The following PARD3 variants were observed in gnomAD, a reference collection of about 807,000 sequenced individuals.
The protein encoded by PARD3 is par-3 family cell polarity regulator, also known as partitioning defective 3 homolog.
In PARD3, 75 loss-of-function variants were observed where a neutral mutation model predicts 155.4. The observed-to-expected ratio is 0.48, with a 90% CI of 0.40 to 0.58. The LOEUF is 0.58. Ranked by LOEUF, PARD3 falls within the 20% of genes least tolerant of loss-of-function variation. PARD3 has a pLI of 0.00. For missense variants in PARD3, 1,642 were observed against 1,721.7 expected (o/e 0.95, Z 0.82); for synonymous variants, 576 against 610.5 (o/e 0.94, Z 0.83).
At chr10:34,645,538 C>G (rs533622100) in intron 2 of PARD3, among the ~76,000 whole-genome samples, 29 of 152,262 alleles carry the variant, frequency 1.9e-4, no homozygotes, top group Admixed American at 1.8e-3. Context: ...CAAAATAAAG[C>G]CTCTACATTA....
chr10:34,802,408 GAAGAGA>G (rs1842905663), intron 1 of PARD3, among the ~76,000 whole-genome samples: 1 of 152,146 alleles, frequency 6.6e-6, no homozygotes, highest in South Asian at 2.1e-4. Context: ...TTTGAAACTT[GAAGAGA>G]AAGAAAAAGA....
At chr10:34,252,579 T>C (rs1405483959) in intron 22 of PARD3, among the ~76,000 whole-genome samples, 1 of 152,162 alleles carries the variant, frequency 6.6e-6, no homozygotes, top group Non-Finnish European at 1.5e-5. Context: ...GCAGCGGCCC[T>C]TGCTGATCTG....
intron 1 of PARD3, among the ~76,000 whole-genome samples, chr10:34,768,392 G>GGGACAACTCGAAGCAAAGGCC (rs1838398543): frequency 7.1e-6 from 1 of 140,840 alleles, no homozygotes; most frequent in Admixed American, 6.7e-5. Flanking sequence ...AAGCAAAGGC[G>GGGACAACTCGAAGCAAAGGCC]GGACAACTCG....
chr10:34,284,036 A>T, intron 21 of PARD3, 99 bp downstream of exon 21: 1 of 717,568 alleles, frequency 1.4e-6, no homozygotes, highest in Non-Finnish European at 2.4e-6. Flanking sequence ...TATGAAGAGT[A>T]ATTAAATGTA....
chr10:34,525,549 C>T (rs931218810), intron 2 of PARD3, among the ~76,000 whole-genome samples: 2 of 152,146 alleles, frequency 1.3e-5, no homozygotes, highest in Non-Finnish European at 1.5e-5. Flanking sequence ...GAGGGAGTAA[C>T]GTGGAAACAG....
intron 2 of PARD3, among the ~76,000 whole-genome samples, chr10:34,680,607 GA>G (rs1413286208): frequency 6.7e-6 from 1 of 148,922 alleles, no homozygotes; most frequent in East Asian, 2.0e-4. Context: ...GCGGGAGGGG[GA>G]AAGATAAAGA....
At chr10:34,525,581 A>T (rs897713702) in intron 2 of PARD3, among the ~76,000 whole-genome samples, 30 of 152,238 alleles carry the variant, frequency 2.0e-4, no homozygotes, top group Non-Finnish European at 7.3e-5. Flanking sequence ...ATAGTGTTCT[A>T]ATCTGTGAAC....
At chr10:34,397,574 G>C (rs1843457904) in intron 7 of PARD3, among the ~76,000 whole-genome samples, 1 of 152,140 alleles carries the variant, frequency 6.6e-6, no homozygotes, top group Non-Finnish European at 1.5e-5. Context: ...ATGGTAACCA[G>C]AAACTGTGGT....
intron 22 of PARD3, among the ~76,000 whole-genome samples, chr10:34,160,059 T>A (rs1001320265): frequency 3.9e-5 from 6 of 152,168 alleles, no homozygotes; most frequent in Non-Finnish European, 8.8e-5. Context: ...TAGAATATTA[T>A]CAAAAGAGAC....
intron 20 of PARD3, among the ~76,000 whole-genome samples, chr10:34,300,638 A>C (rs1341687994): frequency 1.3e-5 from 2 of 152,190 alleles, no homozygotes; most frequent in Admixed American, 6.5e-5. Context: ...GTTTAAAAAA[A>C]AAAAAAAATG....
At chr10:34,298,165 G>A (rs1181582244) in intron 20 of PARD3, among the ~76,000 whole-genome samples, 3 of 152,254 alleles carry the variant, frequency 2.0e-5, no homozygotes, top group Admixed American at 2.0e-4. Context: ...ATAAATATGA[G>A]CTATTTTATT....
intron 2 of PARD3, among the ~76,000 whole-genome samples, chr10:34,612,075 C>T (rs1334010650): frequency 2.6e-5 from 4 of 152,012 alleles, no homozygotes; most frequent in Non-Finnish European, 5.9e-5. Flanking sequence ...ATCCGCCCGC[C>T]TCGGCCTCCC....
chr10:34,725,483 A>G (rs188029402), intron 1 of PARD3, among the ~76,000 whole-genome samples: 231 of 152,204 alleles, frequency 1.5e-3, no homozygotes, highest in African/African-American at 4.7e-3. Context: ...CTCTCCGAAT[A>G]GCTCAAGGCA....
At chr10:34,704,079 C>T (rs1564527317) in intron 1 of PARD3, among the ~76,000 whole-genome samples, 1 of 152,258 alleles carries the variant, frequency 6.6e-6, no homozygotes, top group African/African-American at 2.4e-5. Context: ...ATCCCATATT[C>T]CAGGACGTCA....
intron 2 of PARD3, among the ~76,000 whole-genome samples, chr10:34,615,110 G>A (rs968148997): frequency 6.6e-5 from 10 of 152,194 alleles, no homozygotes; most frequent in African/African-American, 2.2e-4. Flanking sequence ...GAACCTGGGA[G>A]GCGGAAATTG....
intron 2 of PARD3, among the ~76,000 whole-genome samples, chr10:34,537,101 C>G (rs940359396): frequency 2.0e-5 from 3 of 152,212 alleles, no homozygotes; most frequent in Non-Finnish European, 4.4e-5. Flanking sequence ...CTCCTGGACT[C>G]AAACGATCCT....
At chr10:34,308,454 T>C in intron 20 of PARD3, among the ~76,000 whole-genome samples, 1 of 152,206 alleles carries the variant, frequency 6.6e-6, no homozygotes, top group Non-Finnish European at 1.5e-5. Flanking sequence ...TAATGGACTT[T>C]TGCTTTTATA....
intron 2 of PARD3, among the ~76,000 whole-genome samples, chr10:34,634,920 T>C (rs531808718): frequency 6.6e-6 from 1 of 152,264 alleles, no homozygotes; most frequent in South Asian, 2.1e-4. Flanking sequence ...CATGATGGCA[T>C]CACCACAGGC....
Position 34,421,209 on chromosome 10 carries a change from C to G in PARD3, c.715-19292G>C, listed in dbSNP as rs191437891. 5.8e-4 allele frequency among the ~76,000 whole-genome samples: 88 copies of G among 152,092 alleles called. 1 individual carries two copies. Among genetic ancestry groups the G allele is most frequent in the South Asian group, 1.5e-3 (7 of 4,816 alleles). ...AAATGAAATGCAAAGTATAATTTATCTTTCCAAAATGATCCCAAGGAAAAC... is the reference window on the plus strand; with the variant it reads ...AAATGAAATGCAAAGTATAATTTATGTTTCCAAAATGATCCCAAGGAAAAC... On this transcript the variant is annotated intron_variant, in intron 5 of 24. Coordinates refer to ENST00000374788, the MANE Select transcript of PARD3 (RefSeq NM_001184785.2).
Sources: gnomAD v4.1 joint callset for allele counts (sites outside exome capture counted in the v4.1 genomes callset) on GRCh38, gnomAD v4.1.1 for gene constraint, MANE v1.5 for transcripts, NCBI Gene and HGNC (gene_info 2026-07-23, HGNC 2026-07-21) for gene names.